The following PTPRG variants were observed in gnomAD, a reference collection of about 807,000 sequenced individuals.
PTPRG encodes the protein receptor-type tyrosine-protein phosphatase gamma.
PTPRG carries 102 observed loss-of-function variants against 165.3 expected under a neutral mutation model. The ratio of observed to expected loss-of-function variants is 0.62; its 90% confidence interval spans 0.53 to 0.73. The LOEUF (loss-of-function observed/expected upper bound fraction) is 0.73. Among genes scored for constraint, PTPRG ranks in the 30% least tolerant of loss-of-function variants. PTPRG has a pLI of 0.00. For synonymous variants in PTPRG, 675 were observed against 669.5 expected (o/e 1.01, Z -0.13); for missense variants, 1,866 against 1,861.4 (o/e 1.00, Z -0.05).
intron 4 of PTPRG, among the ~76,000 whole-genome samples, chr3:62,027,748 C>T (rs1239528010): frequency 2.0e-5 from 3 of 152,054 alleles, no homozygotes; most frequent in Non-Finnish European, 4.4e-5. Context: ...CATCAAAAAA[C>T]GTGCCCCAGA....
At position 62,295,803 on chromosome 3, in the gene PTPRG, C is replaced by T. The variant is rs1282476380; in HGVS notation, c.*2496C>T. The T allele has an allele frequency of 6.6e-6, 1 of 152,086 alleles. No homozygotes were observed. The highest frequency in any genetic ancestry group is 1.5e-5 in the Non-Finnish European group (1 of 67,988). The allele number at this position is 152,086 out of a possible 1,614,324, so 9.4% of individuals were successfully genotyped here. Reference sequence around the variant, plus strand: ...TATATTTAGCAGGTCCTCACCCCTGCAAGAGACAGCATATCCTCACTATTA... The same window carrying T: ...TATATTTAGCAGGTCCTCACCCCTGTAAGAGACAGCATATCCTCACTATTA... On this transcript the variant is annotated 3_prime_UTR_variant, in exon 30 of 30. Coordinates refer to ENST00000474889, the MANE Select transcript of PTPRG (RefSeq NM_002841.4).
intron 1 of PTPRG, among the ~76,000 whole-genome samples, chr3:61,716,129 A>T (rs1358985474): frequency 1.3e-5 from 2 of 152,144 alleles, no homozygotes; most frequent in African/African-American, 4.8e-5. Context: ...CCTTTCCTTT[A>T]TAACTCTTTA....
intron 16 of PTPRG, among the ~76,000 whole-genome samples, chr3:62,258,462 G>C (rs1395092889): frequency 6.6e-6 from 1 of 152,150 alleles, no homozygotes; most frequent in Admixed American, 6.5e-5. Flanking sequence ...CAGGCATAAA[G>C]TTCTGAAGAA....
At chr3:61,575,548 T>A (rs531580337) in intron 1 of PTPRG, among the ~76,000 whole-genome samples, 2 of 152,098 alleles carry the variant, frequency 1.3e-5, no homozygotes, top group South Asian at 4.2e-4. Context: ...CTTGTGAATA[T>A]TAAATGAGAT....
chr3:61,830,566 GTTTTTTTTTTTTTTTTT>G (rs57644199), intron 2 of PTPRG, among the ~76,000 whole-genome samples: 2 of 86,500 alleles, frequency 2.3e-5, no homozygotes, highest in African/African-American at 8.3e-5. Context: ...TTTTGTTTTT[GTTTTTTTTTTTTTTTTT>G]TTTTTTTGGA....
chr3:62,214,059 T>C lies in PTPRG; in HGVS notation c.2156-4792T>C, dbSNP rs2106871994. Among the ~76,000 whole-genome samples, 1 of 152,294 alleles carries C rather than the reference T, an allele frequency of 6.6e-6. No individual in the cohort carries two copies. The highest frequency in any genetic ancestry group is 3.4e-3 in the Middle Eastern group (1 of 294). ...CAAAAAAAAGAGGGAAAAAGCAGTA[T>C]GATACAGTCTAGTCTCAGGGCAAAC... On this transcript the variant is annotated intron_variant, in intron 12 of 29. Coordinates refer to ENST00000474889, the MANE Select transcript of PTPRG (RefSeq NM_002841.4). The surrounding 1 kb of genome is among the most constrained non-coding windows in gnomAD (Gnocchi z 5.2).
At chr3:62,064,290 A>T (rs1047836032) in intron 4 of PTPRG, among the ~76,000 whole-genome samples, 2 of 152,120 alleles carry the variant, frequency 1.3e-5, no homozygotes, top group Non-Finnish European at 2.9e-5. Flanking sequence ...CTTGCCTTAG[A>T]TCTATATACT....
chr3:61,594,365 C>G (rs550911594), intron 1 of PTPRG, among the ~76,000 whole-genome samples: 1 of 152,066 alleles, frequency 6.6e-6, no homozygotes, highest in South Asian at 2.1e-4. Context: ...TCTGAGTGGA[C>G]CAAGTGTGAA....
intron 11 of PTPRG, 100 bp downstream of exon 11, chr3:62,201,654 C>A: frequency 1.7e-6 from 2 of 1,157,876 alleles, no homozygotes; most frequent in Non-Finnish European, 2.5e-6. Flanking sequence ...TGTTAAACTG[C>A]TCAGTGTAAA....
chr3:62,248,751 G>A lies in PTPRG; in HGVS notation c.2467+4853G>A, dbSNP rs866118973. On this transcript the variant is annotated intron_variant, in intron 15 of 29. Transcript: ENST00000474889. ...TACTGTCAGACACAAATGTCCTAACGAATGCTTTTCTCTGGAAATTAGAAA... is the reference window on the plus strand; with the variant it reads ...TACTGTCAGACACAAATGTCCTAACAAATGCTTTTCTCTGGAAATTAGAAA... 7.2e-5 allele frequency among the ~76,000 whole-genome samples: 11 copies of A among 152,244 alleles called. No individual in the cohort carries two copies. In the South Asian group the frequency reaches 1.0e-3, roughly 14 times the overall value.
intron 9 of PTPRG, among the ~76,000 whole-genome samples, chr3:62,192,372 A>G (rs1426293583): frequency 1.4e-5 from 2 of 147,472 alleles, no homozygotes; most frequent in Admixed American, 1.3e-4. Context: ...TTCCCTATAA[A>G]GCAAACTCCA....
chr3:61,973,823 A>G (rs2040437787), intron 2 of PTPRG, among the ~76,000 whole-genome samples: 1 of 147,104 alleles, frequency 6.8e-6, no homozygotes. Flanking sequence ...ACAGAGCGAG[A>G]CTCCATTTCA....
Position 62,222,130 on chromosome 3 carries a change from A to G in PTPRG, c.2288+3147A>G, listed in dbSNP as rs1484115053. Among the ~76,000 whole-genome samples, 2 of 152,238 alleles carry G rather than the reference A, an allele frequency of 1.3e-5. No homozygotes were observed. On this transcript the variant is annotated intron_variant, in intron 13 of 29. Coordinates refer to ENST00000474889, the MANE Select transcript of PTPRG (RefSeq NM_002841.4). The surrounding 1 kb of genome is among the most constrained non-coding windows in gnomAD (Gnocchi z 4.5). ...AAATAGTTGGCAATATCATCACCAG[A>G]ACCCTTTTGTTGTTCAGAACCCTTT... is the stretch of plus-strand genomic sequence containing the variant.
At chr3:62,035,516 A>G (rs1027196257) in intron 4 of PTPRG, among the ~76,000 whole-genome samples, 1 of 152,178 alleles carries the variant, frequency 6.6e-6, no homozygotes, top group African/African-American at 2.4e-5. Context: ...TGTCTTCACT[A>G]TCTCCTATTT....
At chr3:62,081,292 A>G (rs1382543792) in intron 5 of PTPRG, among the ~76,000 whole-genome samples, 1 of 151,130 alleles carries the variant, frequency 6.6e-6, no homozygotes, top group Non-Finnish European at 1.5e-5. Context: ...AAACAAACAA[A>G]CAAAAACATA....
At position 62,213,357 on chromosome 3, in the gene PTPRG, A is replaced by G. The variant is rs1352717821; in HGVS notation, c.2156-5494A>G. Among the ~76,000 whole-genome samples the G allele has an allele frequency of 6.6e-6, 1 of 152,186 alleles. No homozygotes were observed. Among genetic ancestry groups the G allele is most frequent in the Non-Finnish European group, 1.5e-5 (1 of 68,042 alleles). ...CAGAAGGGCCTATGCTTGCTTTCAT[A>G]CTGTCTCATACTCTACTGTCACCTT... is the stretch of plus-strand genomic sequence containing the variant. On this transcript the variant is annotated intron_variant, in intron 12 of 29. Coordinates refer to ENST00000474889, the MANE Select transcript of PTPRG (RefSeq NM_002841.4). This position sits in a 1 kb window ranked among gnomAD's most constrained non-coding sequence, Gnocchi z 4.4.
chr3:62,138,440 C>T (rs891622890), intron 6 of PTPRG, among the ~76,000 whole-genome samples: 50 of 152,050 alleles, frequency 3.3e-4, no homozygotes, highest in African/African-American at 1.2e-3. Flanking sequence ...GTGTGTGGGC[C>T]GGGTGCAGTG....
intron 4 of PTPRG, among the ~76,000 whole-genome samples, chr3:62,028,921 G>A (rs1490069666): frequency 6.6e-6 from 1 of 152,144 alleles, no homozygotes; most frequent in East Asian, 1.9e-4. Context: ...GATACTCACT[G>A]AGAGTCCTTT....
chr3:61,885,881 T>G (rs1208335023), intron 2 of PTPRG, among the ~76,000 whole-genome samples: 1 of 149,680 alleles, frequency 6.7e-6, no homozygotes, highest in African/African-American at 2.5e-5. Flanking sequence ...TGGGACCTGT[T>G]TAATACAGAG....
Sources: gnomAD v4.1 joint callset for allele counts (sites outside exome capture counted in the v4.1 genomes callset) on GRCh38, gnomAD v4.1.1 for gene constraint, Gnocchi (gnomAD v3.1) non-coding constraint, MANE v1.5 for transcripts, NCBI Gene and HGNC (gene_info 2026-07-23, HGNC 2026-07-21) for gene names.